RPH3A: variants seen among roughly 807,000 people sequenced by gnomAD.
RPH3A encodes rabphilin-3A.
RPH3A carries 48 observed loss-of-function variants against 102.2 expected under a neutral mutation model. The ratio of observed to expected loss-of-function variants is 0.47; its 90% CI spans 0.37 to 0.60. RPH3A has a LOEUF of 0.60. Ranked by LOEUF, RPH3A falls within the 20% of genes least tolerant of loss-of-function variation. The pLI is 0.00. For missense variants in RPH3A, 781 were observed against 910.1 expected, an observed-to-expected ratio of 0.86 and a Z score of 1.83; for synonymous variants, 310 against 324.3, an observed-to-expected ratio of 0.96 and a Z score of 0.47.
At chr12:112,588,098 C>T (rs1213018029) in intron 1 of RPH3A, among the ~76,000 whole-genome samples, 1 of 152,120 alleles carries the variant, frequency 6.6e-6, no homozygotes. Context: ...GAGATTAGCA[C>T]CTCTATGATG....
chr12:112,870,310 C>T (rs796131560), intron 10 of RPH3A, among the ~76,000 whole-genome samples: 1 of 105,592 alleles, frequency 9.5e-6, no homozygotes, highest in African/African-American at 3.5e-5. Context: ...CTCCCCGCCT[C>T]AAAAAAAAAA....
chr12:112,757,501 G>A (rs1592982760), intron 1 of RPH3A, among the ~76,000 whole-genome samples: 1 of 152,148 alleles, frequency 6.6e-6, no homozygotes, highest in African/African-American at 2.4e-5. Context: ...ATAAAAGTTT[G>A]AGGTGATGAA....
intron 2 of RPH3A, among the ~76,000 whole-genome samples, chr12:112,812,632 G>A (rs1028674833): frequency 2.0e-5 from 3 of 152,104 alleles, no homozygotes; most frequent in Admixed American, 1.3e-4. Context: ...GTGGATCCCA[G>A]CTTGTAGAAA....
At chr12:112,851,313 C>A (rs2042319405) in intron 5 of RPH3A, among the ~76,000 whole-genome samples, 1 of 152,154 alleles carries the variant, frequency 6.6e-6, no homozygotes, top group African/African-American at 2.4e-5. Context: ...CGGAACTATG[C>A]TCTTAAATGT....
intron 2 of RPH3A, among the ~76,000 whole-genome samples, chr12:112,824,191 A>G (rs1403775758): frequency 6.6e-6 from 1 of 152,190 alleles, no homozygotes; most frequent in East Asian, 1.9e-4. Flanking sequence ...CCTCAGCCCA[A>G]TCCTCAGGGA....
intron 1 of RPH3A, among the ~76,000 whole-genome samples, chr12:112,642,991 G>A (rs1163946309): frequency 1.3e-5 from 2 of 152,136 alleles, no homozygotes; most frequent in African/African-American, 4.8e-5. Context: ...TACAATGCAC[G>A]GGACAGCACC....
chr12:112,642,943 G>C (rs575948918), intron 1 of RPH3A, among the ~76,000 whole-genome samples: 4 of 152,232 alleles, frequency 2.6e-5, no homozygotes, highest in African/African-American at 9.6e-5. Flanking sequence ...TGCTACTGGC[G>C]TCTAGTGAGT....
At chr12:112,695,122 T>A (rs961424175) in intron 1 of RPH3A, 5 of 170,434 alleles carry the variant, frequency 2.9e-5, no homozygotes, top group Non-Finnish European at 7.3e-5. Context: ...GGGATATTCT[T>A]ACATACACAA....
chr12:112,800,820 G>C (rs960677336), intron 2 of RPH3A, among the ~76,000 whole-genome samples: 3 of 152,156 alleles, frequency 2.0e-5, no homozygotes, highest in African/African-American at 7.2e-5. Flanking sequence ...ATGGAGAGGG[G>C]CCTTGGCTGT....
intron 1 of RPH3A, among the ~76,000 whole-genome samples, chr12:112,616,516 AT>A (rs1292502903): frequency 2.0e-5 from 3 of 152,198 alleles, no homozygotes; most frequent in Non-Finnish European, 2.9e-5. Context: ...TTAGAAGAGA[AT>A]TCCCAGAGAC....
intron 1 of RPH3A, among the ~76,000 whole-genome samples, chr12:112,682,221 T>C (rs79022538): frequency 0.028 from 4,322 of 152,266 alleles, 214 homozygotes; most frequent in African/African-American, 0.099. Context: ...TGATATGCTG[T>C]CTGTGACATG....
chr12:112,823,787 A>G (rs150084761), intron 2 of RPH3A, among the ~76,000 whole-genome samples: 45 of 152,140 alleles, frequency 3.0e-4, no homozygotes, highest in African/African-American at 1.0e-3. Context: ...GTGGTTTGAG[A>G]ATGTCTGAGG....
At position 112,870,158 on chromosome 12, in the gene RPH3A, C is replaced by T. The variant is rs568220049; in HGVS notation, c.796+119C>T. The T allele has an allele frequency of 5.0e-5, 50 of 1,002,446 alleles. No homozygotes were observed. The African/African-American group carries it at 7.4e-4, about 15-fold the overall frequency. 62.1% of individuals were successfully genotyped at this position (1,002,446 alleles called of 1,614,324 possible). A position where few individuals can be genotyped will look rare whatever the true frequency, so the allele number is the denominator to read the frequency against. On this transcript the variant is annotated intron_variant, in intron 10 of 21. Transcript: ENST00000389385. The stretch of plus-strand genomic sequence containing the variant: ...GCATTTATTGAGTCCTACTGTGTGC[C>T]GTGTTCTATTCCAGATACTGGTTTT...
intron 3 of RPH3A, among the ~76,000 whole-genome samples, chr12:112,834,164 A>G (rs1274199046): frequency 6.6e-6 from 1 of 151,970 alleles, no homozygotes; most frequent in African/African-American, 2.4e-5. Flanking sequence ...CTAAGTCATC[A>G]CTATTTAGCA....
chr12:112,843,242 G>A (rs1014981949), intron 4 of RPH3A, among the ~76,000 whole-genome samples: 2 of 152,200 alleles, frequency 1.3e-5, no homozygotes, highest in Non-Finnish European at 2.9e-5. Context: ...TCCCCTGAGA[G>A]CAAAAGCTTT....
In RPH3A at chr12:112,645,344, G is replaced by T. The variant is rs577606836; in HGVS notation, c.-140+70025G>T. Among the ~76,000 whole-genome samples, 3 of 152,212 alleles carry T rather than the reference G, an allele frequency of 2.0e-5. No homozygotes were observed. In the South Asian group the frequency reaches 6.2e-4, roughly 32 times the overall value. ...TCGTTAAATGTCTGCCGGTTTCTTT[G>T]GTTCTGTTGAATGATGTCCTTATCT... On this transcript the variant is annotated intron_variant, in intron 1 of 21. Transcript: ENST00000543106.
chr12:112,757,893 C>T (rs998702377), intron 1 of RPH3A, among the ~76,000 whole-genome samples: 9 of 152,172 alleles, frequency 5.9e-5, no homozygotes, highest in South Asian at 2.1e-4. Flanking sequence ...AAGCCAGGCA[C>T]GTGCCTCACT....
At chr12:112,768,406 A>T (rs1203464179) in intron 1 of RPH3A, among the ~76,000 whole-genome samples, 6 of 151,946 alleles carry the variant, frequency 3.9e-5, no homozygotes, top group Non-Finnish European at 7.4e-5. Context: ...ATCTTCTGGG[A>T]TTCTCCCCTT....
chr12:112,826,175 A>G (rs2041869094), intron 2 of RPH3A, among the ~76,000 whole-genome samples: 3 of 152,186 alleles, frequency 2.0e-5, no homozygotes, highest in Admixed American at 2.0e-4. Context: ...GAATAAACCT[A>G]CACGAAGGGA....
Sources: allele counts gnomAD v4.1 joint callset (sites outside exome capture counted in the v4.1 genomes callset), GRCh38; gene constraint gnomAD v4.1.1; transcripts MANE v1.5; gene names NCBI Gene and HGNC (gene_info 2026-07-23, HGNC 2026-07-21).